SNTA1: variants seen among roughly 807,000 people sequenced by gnomAD.
SNTA1 encodes syntrophin alpha 1, also known as alpha-1-syntrophin.
A neutral mutation model predicts 47.1 loss-of-function variants in SNTA1; 31 were observed. That is an observed-to-expected ratio of 0.66 (90% CI 0.49 to 0.89). SNTA1 has a LOEUF of 0.89. Among genes scored for constraint, SNTA1 ranks in the 40% least tolerant of loss-of-function variants. The probability of loss-of-function intolerance (pLI) is 0.00; values close to 1 mark genes in which losing one functional copy is unlikely to be tolerated. For synonymous variants in SNTA1, 300 were observed against 313.6 expected (o/e 0.96, Z 0.46); for missense variants, 575 against 693.0 (o/e 0.83, Z 1.91).
chr20:33,428,501 A>C (rs1258946657), intron 2 of SNTA1, among the ~76,000 whole-genome samples: 1 of 152,108 alleles, frequency 6.6e-6, no homozygotes. Context: ...AAATATGGAA[A>C]CTTACTGGAA....
intron 5 of SNTA1, among the ~76,000 whole-genome samples, chr20:33,411,649 C>A (rs530480974): frequency 6.6e-6 from 1 of 152,302 alleles, no homozygotes; most frequent in South Asian, 2.1e-4. Context: ...TCAACACTAC[C>A]AAACTCTTAA....
Position 33,429,334 on chromosome 20 carries a change from TAAAAAAAAAAA to T in SNTA1, c.496+9496_496+9506del, listed in dbSNP as rs35077145. Among the ~76,000 whole-genome samples the T allele has an allele frequency of 3.6e-4, 9 of 25,112 alleles. 1 individual carries two copies. The highest frequency in any genetic ancestry group is 7.5e-4 in the African/African-American group (5 of 6,628). The allele number at this position is 25,112 out of a possible 152,430, so 16.5% of individuals were successfully genotyped here. A position where few individuals can be genotyped will look rare whatever the true frequency, so the allele number is the denominator to read the frequency against. On this transcript the variant is annotated intron_variant, in intron 2 of 7. Coordinates refer to ENST00000217381, the MANE Select transcript of SNTA1 (RefSeq NM_003098.3). ...CTGGGTAACACAGTAAGACTCCACCTAAAAAAAAAAAAAAAAAAAAAAAAAAAAAAAATTGG... is the reference window on the plus strand; with the variant it reads ...CTGGGTAACACAGTAAGACTCCACCTAAAAAAAAAAAAAAAAAAAAATTGG...
intron 2 of SNTA1, among the ~76,000 whole-genome samples, chr20:33,422,141 G>C (rs1331037875): frequency 6.6e-6 from 1 of 151,252 alleles, no homozygotes; most frequent in Non-Finnish European, 1.5e-5. Context: ...CCACAAAACT[G>C]GGAACTCCTA....
chr20:33,411,136 C>T (rs1177814905), intron 5 of SNTA1, among the ~76,000 whole-genome samples: 1 of 152,054 alleles, frequency 6.6e-6, no homozygotes, highest in Non-Finnish European at 1.5e-5. Context: ...GTTCCTCCCT[C>T]CACCCACTCT....
At chr20:33,415,106 G>A (rs1431783362) in intron 3 of SNTA1, among the ~76,000 whole-genome samples, 3 of 136,166 alleles carry the variant, frequency 2.2e-5, no homozygotes, top group Non-Finnish European at 4.9e-5. Flanking sequence ...GCATGTACAT[G>A]TTAAAACACA....
At chr20:33,432,679 AC>A (rs1293375618) in intron 2 of SNTA1, among the ~76,000 whole-genome samples, 2 of 152,126 alleles carry the variant, frequency 1.3e-5, no homozygotes, top group Non-Finnish European at 2.9e-5. Flanking sequence ...CCTGGACAAC[AC>A]AGGGAGACCC....
intron 6 of SNTA1, among the ~76,000 whole-genome samples, chr20:33,409,260 T>C (rs184454702): frequency 4.6e-4 from 70 of 152,268 alleles, no homozygotes; most frequent in African/African-American, 1.7e-3. Context: ...GGCATACTTC[T>C]GTGAAAAAAG....
intron 2 of SNTA1, among the ~76,000 whole-genome samples, chr20:33,435,475 G>C (rs1343132513): frequency 1.3e-5 from 2 of 152,044 alleles, no homozygotes; most frequent in Non-Finnish European, 2.9e-5. Context: ...GTGCACACCT[G>C]TAATTCCAGC....
At chr20:33,424,178 G>A (rs1990105481) in intron 2 of SNTA1, among the ~76,000 whole-genome samples, 1 of 151,932 alleles carries the variant, frequency 6.6e-6, no homozygotes, top group Admixed American at 6.6e-5. Context: ...GCTGGATGTG[G>A]TTGCGCATGC....
chr20:33,411,419 C>A (rs1393899842), intron 5 of SNTA1, among the ~76,000 whole-genome samples: 20 of 152,216 alleles, frequency 1.3e-4, no homozygotes, highest in Admixed American at 1.2e-3. Context: ...GCACGGAGCC[C>A]TGTTAATTTT....
chr20:33,436,063 G>A (rs1326684735), intron 2 of SNTA1, among the ~76,000 whole-genome samples: 7 of 152,026 alleles, frequency 4.6e-5, no homozygotes, highest in East Asian at 1.9e-4. Context: ...GCGTGGTGGC[G>A]GGCACCTGTA....
chr20:33,423,866 C>T (rs755992379), intron 2 of SNTA1, among the ~76,000 whole-genome samples: 16 of 152,162 alleles, frequency 1.1e-4, no homozygotes, highest in Non-Finnish European at 2.2e-4. Flanking sequence ...CTTGTCTGTT[C>T]AGTGGGTGGT....
At chr20:33,408,664 C>G in intron 7 of SNTA1, 37 bp downstream of exon 7, 1 of 1,611,932 alleles carries the variant, frequency 6.2e-7, no homozygotes, top group Non-Finnish European at 8.5e-7. Flanking sequence ...GTGCACACCC[C>G]CTCCTCCCCA....
chr20:33,443,207 G>A (rs1442224384), intron 1 of SNTA1, 104 bp downstream of exon 1: 2 of 888,946 alleles, frequency 2.2e-6, no homozygotes, highest in South Asian at 1.9e-5. Context: ...CTTACCCCCA[G>A]ACAGGAAGCC....
chr20:33,424,205 T>C (rs1990106197), intron 2 of SNTA1, among the ~76,000 whole-genome samples: 1 of 149,072 alleles, frequency 6.7e-6, no homozygotes. Flanking sequence ...TCCCAACTAC[T>C]TGGGAGGCTG....
chr20:33,408,604 A>G lies in SNTA1; in HGVS notation c.1426-5T>C, dbSNP rs183939417. ...ACACGAGTGCAGGTCCAGCTGCTGG[A>G]GGGTGGATGGAGAGAAGAGTCAGGG... On this transcript the variant is annotated splice_polypyrimidine_tract_variant and splice_region_variant and intron_variant, in intron 7 of 7. Transcript: ENST00000217381. 601 of 1,613,348 alleles carry G rather than the reference A, an allele frequency of 3.7e-4. 5 individuals carry two copies. The African/African-American group carries it at 7.1e-3, about 19-fold the overall frequency.
In SNTA1 at chr20:33,432,856, A is replaced by C. The variant is rs534626132; in HGVS notation, c.496+5985T>G. Among the ~76,000 whole-genome samples the C allele has an allele frequency of 3.3e-4, 50 of 152,282 alleles. 1 individual carries two copies. The South Asian group carries it at 0.01, about 31-fold the overall frequency. On this transcript the variant is annotated intron_variant, in intron 2 of 7. Coordinates refer to ENST00000217381, the MANE Select transcript of SNTA1 (RefSeq NM_003098.3). ...GGCTGGGCAACAGAGTGAGATCCTA[A>C]ATAAATAAATAAAAGCCTGATCTCT...
At chr20:33,443,275 C>T in intron 1 of SNTA1, 36 bp downstream of exon 1, 1 of 1,477,264 alleles carries the variant, frequency 6.8e-7, no homozygotes, top group Non-Finnish European at 9.0e-7. Context: ...TGCCCCCAGA[C>T]ACCACGACCC....
chr20:33,417,597 G>A, intron 3 of SNTA1, 122 bp downstream of exon 3: 1 of 732,968 alleles, frequency 1.4e-6, no homozygotes, highest in Non-Finnish European at 2.4e-6. Flanking sequence ...TATTTTTTAA[G>A]CACCTACTAT....
Sources: gnomAD v4.1 joint callset for allele counts (sites outside exome capture counted in the v4.1 genomes callset) on GRCh38, gnomAD v4.1.1 for gene constraint, MANE v1.5 for transcripts, NCBI Gene and HGNC (gene_info 2026-07-23, HGNC 2026-07-21) for gene names.